The following TANC2 variants were observed in gnomAD, a reference collection of about 807,000 sequenced individuals.
TANC2 encodes protein TANC2.
In TANC2, 26 loss-of-function variants were observed where a neutral mutation model predicts 210.5. The ratio of observed to expected loss-of-function variants is 0.12; its 90% CI spans 0.09 to 0.17. The LOEUF (loss-of-function observed/expected upper bound fraction) is 0.17, where lower values mean the gene tolerates loss of function less well. TANC2 is among the 10% of genes least tolerant of loss of function. TANC2 has a pLI of 1.00. For synonymous variants in TANC2, 931 were observed against 967.1 expected (o/e 0.96, Z 0.69); for missense variants, 2,129 against 2,608.9 (o/e 0.82, Z 4.01).
chr17:63,009,700 C>T (rs2033780479), intron 2 of TANC2, 74 bp downstream of exon 2: 8 of 1,261,130 alleles, frequency 6.3e-6, no homozygotes, highest in Non-Finnish European at 9.2e-6. Flanking sequence ...TGAATTAATG[C>T]TGTAACACTT....
intron 1 of TANC2, among the ~76,000 whole-genome samples, chr17:62,978,322 A>G (rs1424562471): frequency 3.3e-5 from 5 of 152,180 alleles, no homozygotes; most frequent in African/African-American, 1.2e-4. Flanking sequence ...CTACATGATT[A>G]TTTCTCTTTT....
rs539051840 is a variant in TANC2 at position 63,336,681 on chromosome 17, A to C, written c.1576-3420A>C. On this transcript the variant is annotated intron_variant, in intron 11 of 27. Transcript: ENST00000689528. ...AATAATGCAACTCTGCTCATATCAG[A>C]TATGCTGTGGATGAAATTGTTTTAA... 1.1e-3 allele frequency among the ~76,000 whole-genome samples: 165 copies of C among 152,362 alleles called. 1 individual carries two copies. Among genetic ancestry groups the C allele is most frequent in the African/African-American group, 3.8e-3 (158 of 41,586 alleles).
intron 14 of TANC2, among the ~76,000 whole-genome samples, chr17:63,360,930 G>C (rs530642111): frequency 1.4e-4 from 22 of 152,240 alleles, no homozygotes; most frequent in African/African-American, 5.3e-4. Context: ...TTCACTTAAC[G>C]TAATGACCTC....
At chr17:63,369,553 CT>C (rs36014004) in intron 14 of TANC2, among the ~76,000 whole-genome samples, 8,663 of 131,092 alleles carry the variant, frequency 0.066, 584 homozygotes, top group African/African-American at 0.22. Context: ...ATAATTTCAG[CT>C]TTTTTTTTTT....
At chr17:62,984,221 CA>C (rs1165786241) in intron 1 of TANC2, among the ~76,000 whole-genome samples, 2 of 151,980 alleles carry the variant, frequency 1.3e-5, no homozygotes, top group Non-Finnish European at 2.9e-5. Flanking sequence ...TGTATGTCTC[CA>C]GGAATTTATC....
intron 9 of TANC2, among the ~76,000 whole-genome samples, chr17:63,300,867 G>T (rs1003536918): frequency 6.6e-6 from 1 of 152,144 alleles, no homozygotes; most frequent in African/African-American, 2.4e-5. Flanking sequence ...GTTTTCAAAG[G>T]GAATGCTTCC....
chr17:62,974,277 G>A (rs2031875365), intron 1 of TANC2, among the ~76,000 whole-genome samples: 1 of 152,206 alleles, frequency 6.6e-6, no homozygotes, highest in African/African-American at 2.4e-5. Context: ...CTCACAAAGT[G>A]TGTTTCAAGA....
chr17:63,000,247 G>T (rs1367403861), intron 1 of TANC2, among the ~76,000 whole-genome samples: 1 of 145,858 alleles, frequency 6.9e-6, no homozygotes, highest in Non-Finnish European at 1.5e-5. Flanking sequence ...TAAAAAGCTG[G>T]CATTAGAATG....
At chr17:63,313,844 C>G (rs1172926442) in intron 9 of TANC2, among the ~76,000 whole-genome samples, 2 of 152,138 alleles carry the variant, frequency 1.3e-5, no homozygotes, top group African/African-American at 2.4e-5. Context: ...TTCTTCAGGA[C>G]TGATTTTCAA....
chr17:63,348,182 A>G (rs1187731242), intron 12 of TANC2, among the ~76,000 whole-genome samples: 2 of 152,190 alleles, frequency 1.3e-5, no homozygotes, highest in Non-Finnish European at 2.9e-5. Context: ...AACAATTCCT[A>G]TATATACCAG....
At chr17:63,218,584 C>T (rs1210660820) in intron 7 of TANC2, among the ~76,000 whole-genome samples, 1 of 152,000 alleles carries the variant, frequency 6.6e-6, no homozygotes, top group Admixed American at 6.6e-5. Flanking sequence ...AAGAAATCTA[C>T]CAAAAATAAC....
chr17:63,395,174 G>A (rs566381367), intron 17 of TANC2, among the ~76,000 whole-genome samples: 1 of 152,328 alleles, frequency 6.6e-6, no homozygotes, highest in Admixed American at 6.5e-5. Context: ...TGCTACTGGT[G>A]CACTAAGCCA....
chr17:63,375,100 G>A (rs1234655648), intron 14 of TANC2, among the ~76,000 whole-genome samples: 3 of 152,296 alleles, frequency 2.0e-5, no homozygotes, highest in South Asian at 2.1e-4. Flanking sequence ...CCAGCAGACC[G>A]AGAAGCAGAA....
In TANC2 at chr17:63,341,712, T is replaced by G. The variant is rs75771915; in HGVS notation, c.1807+1380T>G. Among the ~76,000 whole-genome samples, 23 of 152,348 alleles carry G rather than the reference T, an allele frequency of 1.5e-4. No homozygotes were observed. The East Asian group carries it at 3.9e-3, about 26-fold the overall frequency. On this transcript the variant is annotated intron_variant, in intron 12 of 27. Transcript: ENST00000689528. Reference sequence around the variant, plus strand: ...CTGGAGGGGAAGTTCTTCCCCAGTCTCTCCAGTCTTCTAGACTTTATGTGT... The same window carrying G: ...CTGGAGGGGAAGTTCTTCCCCAGTCGCTCCAGTCTTCTAGACTTTATGTGT...
At chr17:63,154,746 T>G (rs1435718730) in intron 5 of TANC2, 1 of 151,998 alleles carries the variant, frequency 6.6e-6, no homozygotes, top group African/African-American at 2.4e-5. Flanking sequence ...AAAAAATACT[T>G]AAAGGTTTAG....
At chr17:63,373,780 A>G (rs575669117) in intron 14 of TANC2, among the ~76,000 whole-genome samples, 6 of 152,308 alleles carry the variant, frequency 3.9e-5, no homozygotes, top group Admixed American at 3.9e-4. Flanking sequence ...CAGGAGTTCA[A>G]GGCCAGCCTG....
chr17:63,012,700 A>G (rs1317910015), intron 2 of TANC2, among the ~76,000 whole-genome samples: 8 of 152,140 alleles, frequency 5.3e-5, no homozygotes, highest in East Asian at 1.9e-4. Flanking sequence ...CACCCAGGCT[A>G]CAATGCAGTG....
intron 4 of TANC2, among the ~76,000 whole-genome samples, chr17:63,118,674 A>G (rs1372627694): frequency 6.6e-6 from 1 of 152,134 alleles, no homozygotes; most frequent in Admixed American, 6.6e-5. Flanking sequence ...CAGTGGTGCA[A>G]TGATGGCTTG....
At chr17:63,348,283 A>G (rs1231617414) in intron 12 of TANC2, among the ~76,000 whole-genome samples, 1 of 152,154 alleles carries the variant, frequency 6.6e-6, no homozygotes, top group African/African-American at 2.4e-5. Context: ...TATTTCTCTC[A>G]GGCACCTAGG....
Sources: allele counts gnomAD v4.1 joint callset (sites outside exome capture counted in the v4.1 genomes callset), GRCh38; gene constraint gnomAD v4.1.1; transcripts MANE v1.5; gene names NCBI Gene and HGNC (gene_info 2026-07-23, HGNC 2026-07-21).